MCF2: variants seen among roughly 807,000 people sequenced by gnomAD.
MCF2 encodes the protein MCF.2 cell line derived transforming sequence.
Under a neutral mutation model 82.5 loss-of-function variants are expected in MCF2, and 44 were observed. The ratio of observed to expected loss-of-function variants is 0.53; its 90% CI spans 0.42 to 0.69. MCF2 has a LOEUF of 0.69. Among genes scored for constraint, MCF2 ranks in the 30% least tolerant of loss-of-function variants. MCF2 has a pLI of 0.00. For synonymous variants in MCF2, 217 were observed against 224.9 expected, an observed-to-expected ratio of 0.96 and a Z score of 0.32; for missense variants, 623 against 663.1, an observed-to-expected ratio of 0.94 and a Z score of 0.66.
At chrX:139,701,918 A>G (rs746272558) in intron 1 of MCF2, among the ~76,000 whole-genome samples, 4 of 112,108 alleles carry the variant, frequency 3.6e-5, no homozygotes, top group African/African-American at 1.3e-4. Flanking sequence ...TGCTTTGTCA[A>G]ACTTAACCTT....
chrX:139,620,990 A>G (rs1445483223), intron 6 of MCF2, among the ~76,000 whole-genome samples: 2 of 111,784 alleles, frequency 1.8e-5, no homozygotes, highest in Non-Finnish European at 3.8e-5. Context: ...GTCCTGGTAC[A>G]AAAACAGACA....
At chrX:139,643,519 T>C (rs1933681681), upstream of MCF2, among the ~76,000 whole-genome samples, 1 of 111,612 alleles carries the variant, frequency 9.0e-6, no homozygotes, top group South Asian at 3.8e-4. Flanking sequence ...ACATTTAACA[T>C]GTTAAAAAAG....
At chrX:139,699,959 T>C (rs773588730) in intron 1 of MCF2, among the ~76,000 whole-genome samples, 1 of 111,967 alleles carries the variant, frequency 8.9e-6, no homozygotes, top group South Asian at 3.8e-4. Flanking sequence ...AGGCCTCTTA[T>C]TGTTGTTGAA....
At chrX:139,692,279 G>A (rs1840701486) in intron 1 of MCF2, 3 of 369,126 alleles carry the variant, frequency 8.1e-6, no homozygotes, top group African/African-American at 2.6e-5. Context: ...ACTGCCGGAG[G>A]GGTACAGCCC....
At chrX:139,677,472 C>A (rs1229745623) in intron 1 of MCF2, among the ~76,000 whole-genome samples, 1 of 112,204 alleles carries the variant, frequency 8.9e-6, no homozygotes, top group African/African-American at 3.2e-5. Context: ...CAGTTGAATT[C>A]TTTCTTCTGA....
chrX:139,615,319 G>T (rs1002911423), intron 9 of MCF2, among the ~76,000 whole-genome samples: 1 of 111,641 alleles, frequency 9.0e-6, no homozygotes. Flanking sequence ...GCCCTTCATT[G>T]GTTCATTGGC....
chrX:139,622,665 G>A (rs1444192995), intron 6 of MCF2, among the ~76,000 whole-genome samples: 2 of 108,990 alleles, frequency 1.8e-5, no homozygotes, highest in East Asian at 2.9e-4. Flanking sequence ...CTCACTCATA[G>A]GTGGGAATTG....
intron 5 of MCF2, 40 bp from the exon 9 acceptor site, chrX:139,626,347 A>C: frequency 3.6e-6 from 3 of 844,986 alleles, no homozygotes; most frequent in Non-Finnish European, 5.2e-6. Flanking sequence ...AAAAGCAACT[A>C]TCTGTTTTGT....
At chrX:139,610,461 T>A (rs1030814466) in intron 10 of MCF2, 123 bp from the exon 15 acceptor site, 2 of 416,193 alleles carry the variant, frequency 4.8e-6, no homozygotes, top group African/African-American at 2.6e-5. Context: ...ATTAGTATTT[T>A]AAAATCACAC....
At chrX:139,704,604 T>G (rs1025161198) in intron 1 of MCF2, among the ~76,000 whole-genome samples, 2 of 109,340 alleles carry the variant, frequency 1.8e-5, no homozygotes, top group African/African-American at 6.7e-5. Flanking sequence ...AAATGAAAAA[T>G]TAAACAAAAA....
At chrX:139,615,170 C>A in intron 9 of MCF2, 118 bp from the exon 13 acceptor site, 3 of 540,947 alleles carry the variant, frequency 5.5e-6, no homozygotes, top group Non-Finnish European at 9.0e-6. Flanking sequence ...AATATAACTA[C>A]AAGACATTTA....
At chrX:139,606,213 C>A (rs749999241) in intron 12 of MCF2, among the ~76,000 whole-genome samples, 2 of 108,822 alleles carry the variant, frequency 1.8e-5, no homozygotes, top group South Asian at 8.0e-4. Context: ...ACTTTAATAC[C>A]CTTTTTTTCC....
At position 139,604,673 on chromosome X, in the gene MCF2, T is replaced by A; in HGVS notation, c.1743+8A>T. ...ATTTATATATATTTAAAAAATAATT[T>A]AACTAACCCTTTCCAGGAAACAAGG... On this transcript the variant is annotated splice_region_variant and intron_variant, in intron 15 of 24. Coordinates refer to ENST00000370576, the Ensembl canonical transcript of MCF2. 8.8e-7 allele frequency: 1 copy of A among 1,136,695 alleles called. No homozygotes were observed. The highest frequency in any genetic ancestry group is 1.2e-6 in the Non-Finnish European group (1 of 848,448). 93.7% of individuals were successfully genotyped at this position (1,136,695 alleles called of 1,213,427 possible).
At chrX:139,651,289 TAAA>T (rs996880380) in intron 2 of MCF2, among the ~76,000 whole-genome samples, 7 of 109,797 alleles carry the variant, frequency 6.4e-5, no homozygotes, top group Non-Finnish European at 1.1e-4. Flanking sequence ...AATGAAATCC[TAAA>T]AAAAAATACT....
At chrX:139,676,155 C>T (rs778605722) in intron 1 of MCF2, among the ~76,000 whole-genome samples, 4 of 112,600 alleles carry the variant, frequency 3.6e-5, no homozygotes, top group Non-Finnish European at 3.8e-5. Context: ...TCTCCTGGTG[C>T]GCCATTTGCT....
At chrX:139,622,088 T>G (rs1427644997) in intron 6 of MCF2, among the ~76,000 whole-genome samples, 7 of 111,813 alleles carry the variant, frequency 6.3e-5, no homozygotes, top group Non-Finnish European at 1.1e-4. Flanking sequence ...CAGACACTTC[T>G]CAAAAGAAGA....
chrX:139,656,699 T>C (rs1358738410), intron 1 of MCF2, among the ~76,000 whole-genome samples: 1 of 112,116 alleles, frequency 8.9e-6, no homozygotes, highest in Non-Finnish European at 1.9e-5. Flanking sequence ...ATACTGACTT[T>C]AGATAAAGTT....
intron 1 of MCF2, among the ~76,000 whole-genome samples, chrX:139,671,808 G>T (rs1603305190): frequency 8.9e-6 from 1 of 111,770 alleles, no homozygotes; most frequent in African/African-American, 3.2e-5. Context: ...CTCTTTTTTG[G>T]TTCCATATGA....
At chrX:139,691,876 C>A in intron 1 of MCF2, 1 of 1,125,547 alleles carries the variant, frequency 8.9e-7, no homozygotes, top group Non-Finnish European at 1.2e-6. Context: ...GCAAGCCAGC[C>A]CGAGGCCGCC....
Sources: gnomAD v4.1 joint callset for allele counts (sites outside exome capture counted in the v4.1 genomes callset) on GRCh38, gnomAD v4.1.1 for gene constraint, MANE v1.5 for transcripts, NCBI Gene and HGNC (gene_info 2026-07-23, HGNC 2026-07-21) for gene names.